SIRT1: variants seen among roughly 807,000 people sequenced by gnomAD.
SIRT1 encodes sirtuin 1, also known as NAD-dependent protein deacetylase sirtuin-1.
In SIRT1, 24 loss-of-function variants were observed where a neutral mutation model predicts 67.9. The observed-to-expected ratio is 0.35, with a 90% CI of 0.26 to 0.50. SIRT1 has a LOEUF of 0.50. Ranked by LOEUF, SIRT1 falls within the 20% of genes least tolerant of loss-of-function variation. The pLI is 0.98. For synonymous variants in SIRT1, 378 were observed against 350.7 expected, an observed-to-expected ratio of 1.08 and a Z score of -0.87; for missense variants, 873 against 937.2, an observed-to-expected ratio of 0.93 and a Z score of 0.89.
chr10:67,885,024 A>G lies in SIRT1; in HGVS notation c.303A>G (p.Gly101=), dbSNP rs966712702. The G allele has an allele frequency of 2.2e-6, 3 of 1,343,274 alleles. No individual in the cohort carries two copies. Among genetic ancestry groups the G allele is most frequent in the South Asian group, 1.9e-5 (1 of 52,834 alleles). 83.2% of individuals were successfully genotyped at this position (1,343,274 alleles called of 1,614,324 possible). A position where few individuals can be genotyped will look rare whatever the true frequency, so the allele number is the denominator to read the frequency against. The change falls in exon 1 of 9, where the codon GGA becomes GGG. Residue 101 remains glycine, a synonymous_variant. Transcript: ENST00000212015. ...EAQATAAAGE[G]DNGPGLQGPS... is the part of the protein sequence containing the mutation. ...AGGCGACTGCGGCGGCTGGGGAAGG[A>G]GACAATGGGCCGGGCCTGCAGGGCC...
At chr10:67,891,300 A>T in intron 3 of SIRT1, 102 bp from the exon 4 acceptor site, 31 of 974,668 alleles carry the variant, frequency 3.2e-5, no homozygotes, top group Non-Finnish European at 4.4e-5. Flanking sequence ...TCAGACTAAA[A>T]TTTTCTTTCT....
At position 67,885,263 on chromosome 10, in the gene SIRT1, C is replaced by A. The variant is rs931649231; in HGVS notation, c.430+112C>A. 42 of 1,246,888 alleles carry A rather than the reference C, an allele frequency of 3.4e-5. No homozygotes were observed. In the African/African-American group the frequency reaches 6.2e-4, roughly 18 times the overall value. 77.2% of individuals were successfully genotyped at this position (1,246,888 alleles called of 1,614,324 possible). The stretch of plus-strand genomic sequence containing the variant: ...GGCTCGGGGCAGGCTCCGCGGCGTT[C>A]CCCTCCCCACCCCGGCCCTCCGTTC... On this transcript the variant is annotated intron_variant, in intron 1 of 8. Transcript: ENST00000212015.
rs1842674249 is a variant in SIRT1 at position 67,897,346 on chromosome 10, G to A, written c.942+5792G>A. 2.7e-5 allele frequency among the ~76,000 whole-genome samples: 4 copies of A among 150,176 alleles called. 1 individual carries two copies. The South Asian group carries it at 8.6e-4, about 32-fold the overall frequency. On this transcript the variant is annotated intron_variant, in intron 4 of 8. Transcript: ENST00000212015. ...CTTGTTGCTCAGGCTGGAGTGCGAT[G>A]GTGTGATCTCGGCTCACTTGCAACC... is the stretch of plus-strand genomic sequence containing the variant.
chr10:67,908,626 G>A (rs973496352), intron 6 of SIRT1, among the ~76,000 whole-genome samples: 3 of 152,118 alleles, frequency 2.0e-5, no homozygotes, highest in Admixed American at 2.0e-4. Context: ...GTCATTGGTC[G>A]GGTGCAGTGG....
chr10:67,887,444 T>C lies in SIRT1; in HGVS notation c.458T>C (p.Ile153Thr). ...RDNLLFGDEI[I>T]TNGFHSCESD... is the part of the protein sequence containing the mutation. ...AACCTTCTGTTCGGTGATGAAATTA[T>C]CACTAATGGTTTTCATTCCTGTGAA... is the stretch of plus-strand genomic sequence containing the variant. Residue 153 changes from isoleucine (I) to threonine (T), a missense_variant, in exon 2 of 9, where the codon ATC becomes ACC. Around this residue, in one of 3 missense-constraint regions of SIRT1, gnomAD observed 327 missense variants for 283.9 expected, o/e 1.15. Coordinates refer to ENST00000212015, the MANE Select transcript of SIRT1 (RefSeq NM_012238.5). The C allele has an allele frequency of 6.2e-7, 1 of 1,613,724 alleles. No individual in the cohort carries two copies. The highest frequency in any genetic ancestry group is 8.5e-7 in the Non-Finnish European group (1 of 1,179,680).
At chr10:67,905,905 C>G (rs1842814471) in intron 4 of SIRT1, 1 of 192,320 alleles carries the variant, frequency 5.2e-6, no homozygotes, top group Middle Eastern at 2.0e-3. Context: ...ACAACCGGTT[C>G]CCTATTGATG....
In SIRT1 at chr10:67,888,305, A is replaced by G. The variant is rs567548299; in HGVS notation, c.548-577A>G. On this transcript the variant is annotated intron_variant, in intron 2 of 8. Transcript: ENST00000212015. Reference sequence around the variant, plus strand: ...AGTTTCTCTTTGGTGTCTGTAATTTATTTATTTATTTATTTTTGTTTTCTC... The same window carrying G: ...AGTTTCTCTTTGGTGTCTGTAATTTGTTTATTTATTTATTTTTGTTTTCTC... Among the ~76,000 whole-genome samples the G allele has an allele frequency of 2.0e-5, 3 of 152,094 alleles. No homozygotes were observed. The East Asian group carries it at 5.8e-4, about 29-fold the overall frequency.
chr10:67,885,526 T>G, intron 1 of SIRT1: 1 of 601,702 alleles, frequency 1.7e-6, no homozygotes, highest in Non-Finnish European at 2.1e-6. Context: ...TTTTCTCCTC[T>G]ACCCCCCAGC....
At chr10:67,886,657 CTAA>C (rs896636435) in intron 1 of SIRT1, among the ~76,000 whole-genome samples, 3 of 151,482 alleles carry the variant, frequency 2.0e-5, no homozygotes, top group Non-Finnish European at 2.9e-5. Flanking sequence ...TATTATTTAC[CTAA>C]TAATAATTGT....
intron 6 of SIRT1, 115 bp from the exon 7 acceptor site, chr10:67,909,141 T>C: frequency 1.4e-6 from 1 of 698,062 alleles, no homozygotes; most frequent in East Asian, 2.8e-5. Flanking sequence ...TTTTCTGTTT[T>C]GTTTTTTTTT....
At position 67,897,517 on chromosome 10, in the gene SIRT1, A is replaced by G. The variant is rs1842676793; in HGVS notation, c.942+5963A>G. ...GTAGCTGGGATTACAGGTGCCCGCCACCATGCTTGGCTAATTTTGTATTTT... is the reference window on the plus strand; with the variant it reads ...GTAGCTGGGATTACAGGTGCCCGCCGCCATGCTTGGCTAATTTTGTATTTT... On this transcript the variant is annotated intron_variant, in intron 4 of 8. Coordinates refer to ENST00000212015, the MANE Select transcript of SIRT1 (RefSeq NM_012238.5). 3.3e-5 allele frequency among the ~76,000 whole-genome samples: 5 copies of G among 152,070 alleles called. 1 individual carries two copies. In the South Asian group the frequency reaches 1.0e-3, roughly 32 times the overall value.
At chr10:67,914,040 AACATC>A (rs1342900814) in intron 8 of SIRT1, among the ~76,000 whole-genome samples, 1 of 149,952 alleles carries the variant, frequency 6.7e-6, no homozygotes, top group Non-Finnish European at 1.5e-5. Flanking sequence ...TTTTGAACAA[AACATC>A]ACACAAAAGG....
chr10:67,891,243 T>A (rs1842568120), intron 3 of SIRT1, among the ~76,000 whole-genome samples, 159 bp from the exon 4 acceptor site: 1 of 152,196 alleles, frequency 6.6e-6, no homozygotes, highest in Non-Finnish European at 1.5e-5. Context: ...GGGAGTTTTA[T>A]TTCTGAAATA....
Position 67,910,384 on chromosome 10 carries a change from A to G in SIRT1, c.1357+942A>G, listed in dbSNP as rs1589083148. Among the ~76,000 whole-genome samples the G allele has an allele frequency of 4.6e-5, 7 of 152,272 alleles. 1 individual carries two copies. The South Asian group carries it at 1.5e-3, about 32-fold the overall frequency. On this transcript the variant is annotated intron_variant, in intron 7 of 8. Transcript: ENST00000212015. Reference sequence around the variant, plus strand: ...AGTGGGACTCTGTCTCAAAAAATCAAAAACAAACCCAGAAGTAATGCTAAA... The same window carrying G: ...AGTGGGACTCTGTCTCAAAAAATCAGAAACAAACCCAGAAGTAATGCTAAA...
intron 4 of SIRT1, among the ~76,000 whole-genome samples, chr10:67,892,071 C>T (rs936291117): frequency 6.6e-6 from 1 of 152,140 alleles, no homozygotes; most frequent in African/African-American, 2.4e-5. Context: ...CCACTAGCCA[C>T]ATGTGGCTGT....
chr10:67,900,168 CAG>C (rs1245733628), intron 4 of SIRT1, among the ~76,000 whole-genome samples: 1 of 152,010 alleles, frequency 6.6e-6, no homozygotes, highest in African/African-American at 2.4e-5. Flanking sequence ...TTTTTTGAGA[CAG>C]AGTCGCATTC....
rs908606468 is a variant in SIRT1, at chr10:67,889,271, C to A, written c.789+148C>A. ...CAAAAACTGAGTGCAGCAGCAGTTG[C>A]TAAATTAGTTCAGATTTTTAAAACC... On this transcript the variant is annotated intron_variant, in intron 3 of 8. Transcript: ENST00000212015. 6 of 856,860 alleles carry A rather than the reference C, an allele frequency of 7.0e-6. No homozygotes were observed. In the East Asian group the frequency reaches 1.3e-4, roughly 18 times the overall value. The allele number at this position is 856,860 out of a possible 1,614,324, so 53.1% of individuals were successfully genotyped here.
At chr10:67,913,397 A>G (rs1159330197) in intron 8 of SIRT1, among the ~76,000 whole-genome samples, 1 of 152,212 alleles carries the variant, frequency 6.6e-6, no homozygotes, top group Non-Finnish European at 1.5e-5. Context: ...AAAACTCAGG[A>G]CCATAGAGGT....
intron 4 of SIRT1, among the ~76,000 whole-genome samples, chr10:67,897,195 C>T (rs189312137): frequency 1.3e-5 from 2 of 151,912 alleles, no homozygotes; most frequent in East Asian, 3.9e-4. Context: ...CAGTGTGTTA[C>T]AGTGTGCTTA....
Sources: gnomAD v4.1 joint callset for allele counts (sites outside exome capture counted in the v4.1 genomes callset) on GRCh38, gnomAD v4.1.1 for gene constraint, gnomAD v4.1.1 regional missense constraint, MANE v1.5 for transcripts, NCBI Gene and HGNC (gene_info 2026-07-23, HGNC 2026-07-21) for gene names.